SHCBP1L: variants seen among roughly 807,000 people sequenced by gnomAD.
SHCBP1L encodes SHC binding and spindle associated 1 like, also known as testicular spindle-associated protein SHCBP1L.
A neutral mutation model predicts 62.5 loss-of-function variants in SHCBP1L; 67 were observed. That is an observed-to-expected ratio of 1.07 (90% CI 0.88 to 1.31). The LOEUF (loss-of-function observed/expected upper bound fraction) is 1.31, where lower values mean the gene tolerates loss of function less well. SHCBP1L is among the 40% of genes most tolerant of loss of function. The pLI is 0.00. For missense variants in SHCBP1L, 823 were observed against 809.8 expected, an observed-to-expected ratio of 1.02 and a Z score of -0.20; for synonymous variants, 284 against 289.4, an observed-to-expected ratio of 0.98 and a Z score of 0.19.
chr1:182,930,551 G>GTATATATATATATA (rs10536791), intron 5 of SHCBP1L, among the ~76,000 whole-genome samples: 1 of 49,470 alleles, frequency 2.0e-5, no homozygotes, highest in Non-Finnish European at 3.6e-5. Flanking sequence ...TAGTGTGTGT[G>GTATATATATATATA]TATATATATA....
intron 6 of SHCBP1L, among the ~76,000 whole-genome samples, chr1:182,927,050 CTATATATATA>C (rs58308065): frequency 7.1e-4 from 64 of 90,562 alleles, no homozygotes; most frequent in African/African-American, 9.7e-4. Context: ...TTAACTAGCA[CTATATATATA>C]TATATATATA....
In SHCBP1L at chr1:182,936,382, A is replaced by C. The variant is rs1017103187; in HGVS notation, c.1076+2794T>G. Among the ~76,000 whole-genome samples, 6 of 151,400 alleles carry C rather than the reference A, an allele frequency of 4.0e-5. 1 individual carries two copies. The highest frequency in any genetic ancestry group is 1.5e-4 in the African/African-American group (6 of 41,290). ...ACTCCTGACCTCAGGTGATCCACCC[A>C]CCTTGGCCTCCCAAAATGCTGGGAT... On this transcript the variant is annotated intron_variant, in intron 5 of 9. Coordinates refer to ENST00000367547, the MANE Select transcript of SHCBP1L (RefSeq NM_030933.4).
At chr1:182,910,478 G>A (rs1650143072) in intron 6 of SHCBP1L, among the ~76,000 whole-genome samples, 1 of 151,768 alleles carries the variant, frequency 6.6e-6, no homozygotes, top group Non-Finnish European at 1.5e-5. Context: ...AAAGAAAGAT[G>A]ATATTTTTTT....
At chr1:182,943,275 ATTTTTTT>A (rs767553592) in intron 2 of SHCBP1L, among the ~76,000 whole-genome samples, 19 of 79,112 alleles carry the variant, frequency 2.4e-4, no homozygotes, top group South Asian at 1.3e-3. Context: ...ACCATTCTTG[ATTTTTTT>A]TTTTTTTTTT....
chr1:182,906,037 C>G (rs1418810304), intron 6 of SHCBP1L, among the ~76,000 whole-genome samples: 1 of 152,096 alleles, frequency 6.6e-6, no homozygotes, highest in Non-Finnish European at 1.5e-5. Context: ...CGGATTCAAG[C>G]GATTCTCTTG....
At chr1:182,907,303 C>T (rs1650043960) in intron 6 of SHCBP1L, among the ~76,000 whole-genome samples, 2 of 150,976 alleles carry the variant, frequency 1.3e-5, no homozygotes, top group Non-Finnish European at 3.0e-5. Flanking sequence ...CATGGTGGTA[C>T]ATGCCTGTAA....
At chr1:182,923,076 A>G (rs1051287716) in intron 6 of SHCBP1L, among the ~76,000 whole-genome samples, 1 of 152,182 alleles carries the variant, frequency 6.6e-6, no homozygotes, top group Non-Finnish European at 1.5e-5. Flanking sequence ...GAAATACAAA[A>G]AAACCCTCAG....
chr1:182,908,073 T>C (rs1650071545), intron 6 of SHCBP1L, among the ~76,000 whole-genome samples: 1 of 152,264 alleles, frequency 6.6e-6, no homozygotes, highest in Non-Finnish European at 1.5e-5. Context: ...TATATACTTT[T>C]GAATTCTGAT....
intron 6 of SHCBP1L, among the ~76,000 whole-genome samples, chr1:182,912,220 T>C (rs557989164): frequency 2.2e-4 from 34 of 152,170 alleles, no homozygotes; most frequent in Admixed American, 6.5e-5. Context: ...GGTGGGAGCA[T>C]AGCTTGAGCC....
chr1:182,939,475 T>C lies in SHCBP1L; in HGVS notation c.849A>G (p.Arg283=), dbSNP rs1175241144. 1.9e-6 allele frequency: 3 copies of C among 1,604,722 alleles called. No homozygotes were observed. The South Asian group carries it at 3.4e-5, about 18-fold the overall frequency. Residue 283 remains arginine, a synonymous_variant, in exon 4 of 10, where the codon AGA becomes AGG. Coordinates refer to ENST00000367547, the MANE Select transcript of SHCBP1L (RefSeq NM_030933.4). ...TTATAAACTATACTTACAAATTAAT[T>C]CTTTCTTCAATAAGTGCAGTATAAT... ...CENYTALIEE[R]INLWCDIQDG...
Position 182,953,159 on chromosome 1 carries a change from C to G in SHCBP1L, c.-26G>C, listed in dbSNP as rs771411526. 4 of 1,570,188 alleles carry G rather than the reference C, an allele frequency of 2.5e-6. No homozygotes were observed. The highest frequency in any genetic ancestry group is 3.4e-6 in the Non-Finnish European group (4 of 1,166,386). On this transcript the variant is annotated 5_prime_UTR_variant, in exon 1 of 10. Transcript: ENST00000367547. ...CTCCTCAGCAGCCCGAGGGCCGAGG[C>G]AGCCGTTGGCCACTTTTCCCGCCCT...
chr1:182,949,054 T>A (rs1651663023), intron 2 of SHCBP1L, among the ~76,000 whole-genome samples: 1 of 152,160 alleles, frequency 6.6e-6, no homozygotes, highest in Non-Finnish European at 1.5e-5. Context: ...ATAATCAATG[T>A]ATTGCAGGTA....
intron 5 of SHCBP1L, 91 bp from the exon 6 acceptor site, chr1:182,929,843 C>CT (rs1650901914): frequency 1.3e-6 from 1 of 796,582 alleles, no homozygotes; most frequent in Admixed American, 3.3e-5. Context: ...TACTAAGCAT[C>CT]TTTGAGAAAT....
At chr1:182,929,083 A>C (rs1650875404) in intron 6 of SHCBP1L, among the ~76,000 whole-genome samples, 1 of 152,174 alleles carries the variant, frequency 6.6e-6, no homozygotes, top group Admixed American at 6.5e-5. Flanking sequence ...CGCTACTGAG[A>C]GGTCAAGTGA....
At chr1:182,941,573 A>C (rs1234844341) in intron 2 of SHCBP1L, among the ~76,000 whole-genome samples, 1 of 152,176 alleles carries the variant, frequency 6.6e-6, no homozygotes, top group East Asian at 1.9e-4. Flanking sequence ...CAAATTTGTA[A>C]CCTTTCACAG....
At chr1:182,929,548 G>A (rs1650892078) in intron 6 of SHCBP1L, 99 bp downstream of exon 6, 1 of 614,860 alleles carries the variant, frequency 1.6e-6, no homozygotes, top group Non-Finnish European at 2.7e-6. Context: ...AGAAAATAAG[G>A]CATTAATGAT....
At chr1:182,935,423 A>G (rs1172703776) in intron 5 of SHCBP1L, among the ~76,000 whole-genome samples, 1 of 152,126 alleles carries the variant, frequency 6.6e-6, no homozygotes, top group Non-Finnish European at 1.5e-5. Context: ...TTCTATTGTC[A>G]ATAATTTTTA....
Position 182,924,766 on chromosome 1 carries a change from AAGAAAGAAAGAAAGAAAGAAAG to A in SHCBP1L, c.1182+4859_1182+4880del, listed in dbSNP as rs1443594930. Among the ~76,000 whole-genome samples, 573 of 112,804 alleles carry A rather than the reference AAGAAAGAAAGAAAGAAAGAAAG, an allele frequency of 5.1e-3. 49 individuals are homozygous for A. The highest frequency in any genetic ancestry group is 0.022 in the African/African-American group (408 of 18,676). The allele number at this position is 112,804 out of a possible 152,430, so 74.0% of individuals were successfully genotyped here. On this transcript the variant is annotated intron_variant, in intron 6 of 9. Coordinates refer to ENST00000367547, the MANE Select transcript of SHCBP1L (RefSeq NM_030933.4). ...AAAGAAAGAAAGAAAGAAAGAAAGAAAGAAAGAAAGAAAGAAAGAAAGAGAGAAAGAAAGGAAGGAAGGAAGG... is the reference window on the plus strand; with the variant it reads ...AAAGAAAGAAAGAAAGAAAGAAAGAAAGAGAAAGAAAGGAAGGAAGGAAGG...
intron 6 of SHCBP1L, among the ~76,000 whole-genome samples, chr1:182,914,583 A>G (rs1650294657): frequency 6.6e-6 from 1 of 152,334 alleles, no homozygotes; most frequent in East Asian, 1.9e-4. Flanking sequence ...GATGTGAATT[A>G]CAATTCCCTT....
Sources: gnomAD v4.1 joint callset for allele counts (sites outside exome capture counted in the v4.1 genomes callset) on GRCh38, gnomAD v4.1.1 for gene constraint, MANE v1.5 for transcripts, NCBI Gene and HGNC (gene_info 2026-07-23, HGNC 2026-07-21) for gene names.